The following CNTNAP3B variants were observed in gnomAD, a reference collection of about 807,000 sequenced individuals.
CNTNAP3B encodes the protein contactin-associated protein-like 3B.
In CNTNAP3B, 25 loss-of-function variants were observed where a neutral mutation model predicts 108.9. The observed-to-expected ratio is 0.23, with a 90% CI of 0.17 to 0.32. CNTNAP3B has a LOEUF of 0.32. Ranked by LOEUF, CNTNAP3B falls within the 10% of genes least tolerant of loss-of-function variation. The pLI, the probability that CNTNAP3B is intolerant of heterozygous loss-of-function variation, is 1.00. For missense variants in CNTNAP3B, 252 were observed against 1,210.4 expected, an observed-to-expected ratio of 0.21 and a Z score of 11.75; for synonymous variants, 103 against 473.4, an observed-to-expected ratio of 0.22 and a Z score of 10.16.
rs372891017 is a variant in CNTNAP3B, at chr9:42,098,582, C to CAA, written c.196+6045_196+6046dup. On this transcript the variant is annotated intron_variant, in intron 2 of 23. Coordinates refer to ENST00000377561, the MANE Select transcript of CNTNAP3B (RefSeq NM_001201380.3). ...TGGGTGACAGAGCGAGACTCTGTCT[C>CAA]AAAAAAAAAAAAAAAACCAACAGCA... Among the ~76,000 whole-genome samples the CAA allele has an allele frequency of 7.9e-3, 256 of 32,340 alleles. 34 individuals carry two copies. The highest frequency in any genetic ancestry group is 0.048 in the East Asian group (23 of 484). The allele number at this position is 32,340 out of a possible 152,430, so 21.2% of individuals were successfully genotyped here.
chr9:42,014,790 C>CA (rs1223418860), intron 3 of CNTNAP3B, among the ~76,000 whole-genome samples: 96 of 22,656 alleles, frequency 4.2e-3, no homozygotes, highest in African/African-American at 0.013. Context: ...GACTCCGTCA[C>CA]AAAAAAAAAA....
intron 6 of CNTNAP3B, 144 bp downstream of exon 6, chr9:41,997,424 G>C: frequency 1.6e-6 from 2 of 1,233,010 alleles, no homozygotes; most frequent in Middle Eastern, 2.8e-4. Flanking sequence ...CTATTAGAAG[G>C]CATAAACAGT....
intron 18 of CNTNAP3B, among the ~76,000 whole-genome samples, chr9:41,916,124 C>T (rs1320319787): frequency 1.4e-5 from 2 of 146,520 alleles, no homozygotes; most frequent in Non-Finnish European, 3.0e-5. Flanking sequence ...TAGACTTTGT[C>T]TATAAACTCT....
intron 12 of CNTNAP3B, among the ~76,000 whole-genome samples, chr9:41,957,665 G>A: frequency 6.6e-6 from 1 of 151,640 alleles, no homozygotes. Context: ...ACCCATTACA[G>A]CTTTTTCCAT....
intron 15 of CNTNAP3B, among the ~76,000 whole-genome samples, chr9:41,926,411 C>T (rs1221209974): frequency 6.6e-6 from 1 of 152,302 alleles, no homozygotes; most frequent in East Asian, 1.9e-4. Flanking sequence ...GAGGAAGCTA[C>T]AAGTTTTACA....
At chr9:42,018,646 C>T (rs1480155091) in intron 3 of CNTNAP3B, among the ~76,000 whole-genome samples, 27 of 151,770 alleles carry the variant, frequency 1.8e-4, no homozygotes, top group South Asian at 8.3e-4. Flanking sequence ...TGTGAGGCCA[C>T]GGCTCCAGCA....
chr9:41,925,314 C>T (rs1823784265), intron 15 of CNTNAP3B, among the ~76,000 whole-genome samples: 1 of 152,110 alleles, frequency 6.6e-6, no homozygotes. Context: ...CTTTTCTCGG[C>T]TAGGCGCAGT....
At chr9:42,116,372 CA>C (rs1255802071) in intron 1 of CNTNAP3B, among the ~76,000 whole-genome samples, 1 of 129,950 alleles carries the variant, frequency 7.7e-6, no homozygotes, top group Admixed American at 7.7e-5. Context: ...CAATATTCAA[CA>C]TTCTTAAAGA....
At chr9:42,076,438 A>C (rs1310776918) in intron 3 of CNTNAP3B, among the ~76,000 whole-genome samples, 1 of 131,174 alleles carries the variant, frequency 7.6e-6, no homozygotes, top group Non-Finnish European at 1.6e-5. Context: ...AAAAAAAAAA[A>C]AAAAAAACAA....
At chr9:42,078,387 T>C in intron 2 of CNTNAP3B, among the ~76,000 whole-genome samples, 1 of 137,762 alleles carries the variant, frequency 7.3e-6, no homozygotes, top group South Asian at 2.3e-4. Context: ...GATATTTTTG[T>C]AGTGAATCTT....
At chr9:41,945,722 C>T (rs1483105135) in intron 13 of CNTNAP3B, among the ~76,000 whole-genome samples, 2 of 152,292 alleles carry the variant, frequency 1.3e-5, no homozygotes, top group African/African-American at 4.8e-5. Context: ...ATGTAACAAA[C>T]CTGCATGTTG....
chr9:42,086,285 C>T (rs529497003), intron 2 of CNTNAP3B, among the ~76,000 whole-genome samples: 1,479 of 139,902 alleles, frequency 0.011, 9 homozygotes, highest in Non-Finnish European at 0.017. Context: ...GTCCCTCCCA[C>T]AACACCTAGG....
chr9:41,942,857 A>T (rs1482192631), intron 13 of CNTNAP3B, among the ~76,000 whole-genome samples: 5 of 152,274 alleles, frequency 3.3e-5, no homozygotes, highest in Admixed American at 3.3e-4. Context: ...TGCAAAGAGC[A>T]AATTCAGCCT....
At chr9:41,959,388 G>A (rs1362154661) in intron 12 of CNTNAP3B, among the ~76,000 whole-genome samples, 1 of 152,406 alleles carries the variant, frequency 6.6e-6, no homozygotes, top group East Asian at 1.9e-4. Flanking sequence ...ACATTTTCTA[G>A]GGCAGAAAAG....
chr9:41,990,716 T>C (rs1825790252), intron 8 of CNTNAP3B, among the ~76,000 whole-genome samples: 1 of 135,838 alleles, frequency 7.4e-6, no homozygotes, highest in Non-Finnish European at 1.6e-5. Flanking sequence ...TTAGGCACAA[T>C]GTCAATTTAG....
intron 13 of CNTNAP3B, among the ~76,000 whole-genome samples, chr9:41,941,530 A>C (rs1824343044): frequency 6.7e-6 from 1 of 148,780 alleles, no homozygotes; most frequent in Admixed American, 6.7e-5. Flanking sequence ...AAATGAGGCA[A>C]AAATTGAGAC....
chr9:42,089,453 G>A (rs1168778807), intron 2 of CNTNAP3B, among the ~76,000 whole-genome samples: 2 of 136,864 alleles, frequency 1.5e-5, no homozygotes, highest in African/African-American at 2.9e-5. Context: ...GTTAAAGATC[G>A]CATACTATAA....
chr9:42,077,549 C>A lies in CNTNAP3B; in HGVS notation c.197-487G>T, dbSNP rs1177123277. The stretch of plus-strand genomic sequence containing the variant: ...TAGAGTGCTTTGTGAGGCAATCCCA[C>A]TTACATGTGGAATTCTAAAAAGTTG... On this transcript the variant is annotated intron_variant, in intron 2 of 23. Coordinates refer to ENST00000377561, the MANE Select transcript of CNTNAP3B (RefSeq NM_001201380.3). 2.3e-5 allele frequency among the ~76,000 whole-genome samples: 3 copies of A among 132,188 alleles called. 1 individual carries two copies. Among genetic ancestry groups the A allele is most frequent in the African/African-American group, 9.1e-5 (3 of 32,954 alleles). The allele number at this position is 132,188 out of a possible 152,430, so 86.7% of individuals were successfully genotyped here.
intron 10 of CNTNAP3B, among the ~76,000 whole-genome samples, chr9:41,969,587 T>A (rs1825381767): frequency 6.6e-6 from 1 of 151,758 alleles, no homozygotes; most frequent in Admixed American, 6.6e-5. Context: ...TACTATCATT[T>A]AAAAAATGCT....
Sources: gnomAD v4.1 joint callset for allele counts (sites outside exome capture counted in the v4.1 genomes callset) on GRCh38, gnomAD v4.1.1 for gene constraint, MANE v1.5 for transcripts, NCBI Gene and HGNC (gene_info 2026-07-23, HGNC 2026-07-21) for gene names.